RPRD2: variants seen among roughly 807,000 people sequenced by gnomAD.
RPRD2 encodes regulation of nuclear pre-mRNA domain-containing protein 2.
A neutral mutation model predicts 104.4 loss-of-function variants in RPRD2; 12 were observed. That is an observed-to-expected ratio of 0.11 (90% confidence interval 0.07 to 0.19). The LOEUF (loss-of-function observed/expected upper bound fraction) is 0.19. Among genes scored for constraint, RPRD2 ranks in the 10% least tolerant of loss-of-function variants. The pLI is 1.00. For synonymous variants in RPRD2, 714 were observed against 684.9 expected (o/e 1.04, Z -0.66); for missense variants, 1,543 against 1,790.1 (o/e 0.86, Z 2.49).
At chr1:150,434,143 C>T (rs1392321258) in intron 2 of RPRD2, among the ~76,000 whole-genome samples, 2 of 152,100 alleles carry the variant, frequency 1.3e-5, no homozygotes, top group Admixed American at 6.5e-5. Flanking sequence ...TCACTTGAGG[C>T]CAGGAGTTCA....
At chr1:150,469,940 G>A (rs944076191) in intron 10 of RPRD2, among the ~76,000 whole-genome samples, 10 of 152,112 alleles carry the variant, frequency 6.6e-5, no homozygotes, top group Admixed American at 5.9e-4. Context: ...CAACCAAAAC[G>A]GATGGTTGAA....
chr1:150,403,990 T>C (rs2102230400), intron 1 of RPRD2, among the ~76,000 whole-genome samples: 1 of 152,204 alleles, frequency 6.6e-6, no homozygotes, highest in Non-Finnish European at 1.5e-5. Flanking sequence ...ATTTTTAAAA[T>C]TATAGACAAA....
intron 7 of RPRD2, among the ~76,000 whole-genome samples, chr1:150,451,213 G>A (rs1667143791): frequency 6.6e-6 from 1 of 152,102 alleles, no homozygotes. Flanking sequence ...TCTTTAGAAG[G>A]AATATCACAG....
intron 1 of RPRD2, among the ~76,000 whole-genome samples, chr1:150,381,860 C>CTGTTGTA (rs1661160750): frequency 6.6e-6 from 1 of 152,008 alleles, no homozygotes; most frequent in African/African-American, 2.4e-5. Flanking sequence ...CTGTATTGTA[C>CTGTTGTA]TGTTGTATGT....
Position 150,417,636 on chromosome 1 carries a change from T to C in RPRD2, c.246T>C (p.Asn82=). The C allele has an allele frequency of 1.3e-6, 2 of 1,599,776 alleles. No homozygotes were observed. Among genetic ancestry groups the C allele is most frequent in the South Asian group, 1.1e-5 (1 of 89,324 alleles). ...GTTTGAATCTCTTTTACCTTGCCAA[T>C]GATGTCATACAGAACTGTAAAAGGA... is the stretch of plus-strand genomic sequence containing the variant. ...PHRLNLFYLA[N]DVIQNCKRKN... The change falls in exon 2 of 11, where the codon AAT becomes AAC. Residue 82 remains asparagine, a synonymous_variant. Transcript: ENST00000369068.
intron 2 of RPRD2, among the ~76,000 whole-genome samples, chr1:150,420,655 A>T (rs1664699794): frequency 1.3e-5 from 2 of 152,260 alleles, no homozygotes; most frequent in South Asian, 4.1e-4. Context: ...GTGAAACCCC[A>T]TCTGTAGTAA....
chr1:150,424,870 C>T (rs1665011018), intron 2 of RPRD2, among the ~76,000 whole-genome samples: 1 of 152,250 alleles, frequency 6.6e-6, no homozygotes, highest in Non-Finnish European at 1.5e-5. Flanking sequence ...CTCCTTTTCT[C>T]TCTGCCTTTC....
chr1:150,431,473 A>ATTTTTTTTTTTTTTGTTTTT (rs1665571459), intron 2 of RPRD2, among the ~76,000 whole-genome samples: 1 of 78,850 alleles, frequency 1.3e-5, no homozygotes, highest in Non-Finnish European at 2.4e-5. Context: ...AAAAGGAAGG[A>ATTTTTTTTTTTTTTGTTTTT]TTTTTTTTTT....
chr1:150,457,073 A>G (rs1436482348), intron 7 of RPRD2, among the ~76,000 whole-genome samples: 4 of 151,836 alleles, frequency 2.6e-5, no homozygotes, highest in Non-Finnish European at 4.4e-5. Context: ...AAAATACAAA[A>G]ATTAGCCAGG....
intron 1 of RPRD2, among the ~76,000 whole-genome samples, chr1:150,394,760 T>C (rs1662359514): frequency 6.6e-6 from 1 of 152,124 alleles, no homozygotes; most frequent in African/African-American, 2.4e-5. Context: ...TTTTGTATTT[T>C]TTGTAGAGAC....
Position 150,472,614 on chromosome 1 carries a change from T to C in RPRD2, c.3666T>C (p.Asp1222=), listed in dbSNP as rs779581824. ...PSSAPPVPPK[D]HGGIFSRDAP... Reference sequence around the variant, plus strand: ...CTGCCCCACCTGTCCCTCCTAAGGATCATGGTGGTATCTTCTCTCGAGATG... The same window carrying C: ...CTGCCCCACCTGTCCCTCCTAAGGACCATGGTGGTATCTTCTCTCGAGATG... Residue 1222 remains aspartate, a synonymous_variant, in exon 11 of 11, where the codon GAT becomes GAC. Coordinates refer to ENST00000369068, the MANE Select transcript of RPRD2 (RefSeq NM_015203.5). 8.1e-6 allele frequency: 13 copies of C among 1,613,840 alleles called. No individual in the cohort carries two copies. Among genetic ancestry groups the C allele is most frequent in the Non-Finnish European group, 1.0e-5 (12 of 1,179,838 alleles).
chr1:150,375,868 A>G (rs1383908922), intron 1 of RPRD2, among the ~76,000 whole-genome samples: 1 of 152,196 alleles, frequency 6.6e-6, no homozygotes, highest in Non-Finnish European at 1.5e-5. Context: ...GAACAGAACA[A>G]TTTACAAACC....
intron 2 of RPRD2, among the ~76,000 whole-genome samples, chr1:150,430,577 G>A (rs1207358819): frequency 6.6e-6 from 1 of 152,002 alleles, no homozygotes; most frequent in Non-Finnish European, 1.5e-5. Context: ...GAGGCGGGAG[G>A]ATCATTTGAG....
chr1:150,472,644 C>T lies in RPRD2; in HGVS notation c.3696C>T (p.Pro1232=). 1 of 1,613,820 alleles carries T rather than the reference C, an allele frequency of 6.2e-7. No homozygotes were observed. Among genetic ancestry groups the T allele is most frequent in the African/African-American group, 1.3e-5 (1 of 75,014 alleles). The change falls in exon 11 of 11, where the codon CCC becomes CCT. Residue 1232 remains proline, a synonymous_variant. Coordinates refer to ENST00000369068, the MANE Select transcript of RPRD2 (RefSeq NM_015203.5). ...GTGGTATCTTCTCTCGAGATGCACC[C>T]ACTCATCTACCCTCTGTGGATCTTT... is the stretch of plus-strand genomic sequence containing the variant. ...DHGGIFSRDA[P]THLPSVDLSN... is the part of the protein sequence containing the mutation.
At chr1:150,452,631 G>A (rs998085612) in intron 7 of RPRD2, among the ~76,000 whole-genome samples, 2 of 146,250 alleles carry the variant, frequency 1.4e-5, no homozygotes. Context: ...GTCAATGTGA[G>A]CTCCTTTCTG....
At chr1:150,394,974 G>C (rs1481204098) in intron 1 of RPRD2, among the ~76,000 whole-genome samples, 6 of 152,138 alleles carry the variant, frequency 3.9e-5, no homozygotes, top group Non-Finnish European at 8.8e-5. Context: ...TATGACCATA[G>C]TATAGGGAAA....
chr1:150,426,264 C>T (rs1235165840), intron 2 of RPRD2, among the ~76,000 whole-genome samples: 1 of 152,110 alleles, frequency 6.6e-6, no homozygotes, highest in Non-Finnish European at 1.5e-5. Context: ...ATGAATTTTT[C>T]TTCATGGAGT....
chr1:150,457,021 C>T (rs1003388513), intron 7 of RPRD2, among the ~76,000 whole-genome samples: 5 of 151,792 alleles, frequency 3.3e-5, no homozygotes, highest in African/African-American at 9.7e-5. Context: ...GCCAGGAGTT[C>T]GAGACCAGCG....
intron 5 of RPRD2, 118 bp downstream of exon 5, chr1:150,443,401 A>G: frequency 1.4e-6 from 1 of 738,102 alleles, no homozygotes; most frequent in East Asian, 2.9e-5. Context: ...TGTTTTAAAC[A>G]TGCATGAACT....
Sources: gnomAD v4.1 joint callset for allele counts (sites outside exome capture counted in the v4.1 genomes callset) on GRCh38, gnomAD v4.1.1 for gene constraint, MANE v1.5 for transcripts, NCBI Gene and HGNC (gene_info 2026-07-23, HGNC 2026-07-21) for gene names.